NTM: variants seen among roughly 807,000 people sequenced by gnomAD.
NTM encodes IgLON family member 2.
In NTM, 13 loss-of-function variants were observed where a neutral mutation model predicts 42.1. The observed-to-expected ratio is 0.31, with a 90% CI of 0.20 to 0.49. The LOEUF (loss-of-function observed/expected upper bound fraction) is 0.49, where lower values mean the gene tolerates loss of function less well. Among genes scored for constraint, NTM ranks in the 20% least tolerant of loss-of-function variants. The pLI, the probability that NTM is intolerant of heterozygous loss-of-function variation, is 0.99. For synonymous variants in NTM, 187 were observed against 179.2 expected (o/e 1.04, Z -0.35); for missense variants, 373 against 452.8 (o/e 0.82, Z 1.60).
intron 1 of NTM, among the ~76,000 whole-genome samples, chr11:131,486,690 T>C (rs1241421077): frequency 6.6e-6 from 1 of 152,212 alleles, no homozygotes; most frequent in East Asian, 1.9e-4. Context: ...ATGGTCAAGG[T>C]GAACATCTCC....
chr11:132,126,815 T>A (rs1414609545), intron 2 of NTM, among the ~76,000 whole-genome samples: 1 of 152,198 alleles, frequency 6.6e-6, no homozygotes, highest in Non-Finnish European at 1.5e-5. Context: ...CCTGTTTCTC[T>A]GCCAGCTGCC....
chr11:132,153,746 A>C (rs1301762915), intron 3 of NTM, among the ~76,000 whole-genome samples: 1 of 152,190 alleles, frequency 6.6e-6, no homozygotes, highest in African/African-American at 2.4e-5. Context: ...TCCATTTAAC[A>C]GTATTTTGAA....
chr11:132,063,855 AAGCC>A (rs1186557363), intron 2 of NTM, among the ~76,000 whole-genome samples: 1 of 152,222 alleles, frequency 6.6e-6, no homozygotes, highest in Admixed American at 6.5e-5. Flanking sequence ...CACTTGTGAT[AAGCC>A]AGCTCCTCTC....
chr11:132,152,587 G>A (rs1459730533), intron 3 of NTM, among the ~76,000 whole-genome samples: 6 of 152,190 alleles, frequency 3.9e-5, no homozygotes, highest in Admixed American at 3.3e-4. Flanking sequence ...AAAGCACCCC[G>A]GAGAATGACA....
At chr11:132,103,657 T>G (rs2061906941) in intron 2 of NTM, among the ~76,000 whole-genome samples, 2 of 152,212 alleles carry the variant, frequency 1.3e-5, no homozygotes. Context: ...AGCTTCTGCA[T>G]GTAGATACTT....
chr11:132,138,610 CTATCT>C (rs201988678), intron 2 of NTM, among the ~76,000 whole-genome samples: 13,794 of 80,548 alleles, frequency 0.17, 787 homozygotes, highest in Middle Eastern at 0.25. Context: ...ATCTATCTAT[CTATCT>C]ATCTATTCTA....
intron 1 of NTM, among the ~76,000 whole-genome samples, chr11:131,667,695 C>T (rs979785613): frequency 7.2e-5 from 11 of 152,186 alleles, no homozygotes; most frequent in Admixed American, 1.3e-4. Flanking sequence ...AGGAGTGAAA[C>T]GTCCCTGAGC....
chr11:132,125,726 A>T (rs1016484398), intron 2 of NTM, among the ~76,000 whole-genome samples: 1 of 248 alleles, frequency 4.0e-3, no homozygotes, highest in Non-Finnish European at 6.4e-3. Flanking sequence ...GTGGTGTGTG[A>T]TGTGTGTGTG....
intron 2 of NTM, among the ~76,000 whole-genome samples, chr11:132,133,020 CA>C (rs1303815388): frequency 6.6e-6 from 1 of 152,192 alleles, no homozygotes; most frequent in African/African-American, 2.4e-5. Flanking sequence ...AATTTTGGGT[CA>C]AAGAATCAGG....
In NTM at chr11:132,214,040, C is replaced by T. The variant is rs992469301; in HGVS notation, c.526+1893C>T. 6.9e-4 allele frequency among the ~76,000 whole-genome samples: 105 copies of T among 152,104 alleles called. 21 individuals carry two copies. The highest frequency in any genetic ancestry group is 1.3e-3 in the Non-Finnish European group (86 of 68,002). ...TGAGCCACCGCGCCCGGCGGGCCAC[C>T]ATTCTTGACACTGTAACTGTGAACA... On this transcript the variant is annotated intron_variant, in intron 4 of 8. Transcript: ENST00000683400.
At chr11:131,457,700 A>G (rs1428253737) in intron 1 of NTM, among the ~76,000 whole-genome samples, 4 of 151,610 alleles carry the variant, frequency 2.6e-5, no homozygotes, top group African/African-American at 9.8e-5. Context: ...CATATGTGCA[A>G]TGCACTAAAT....
intron 1 of NTM, among the ~76,000 whole-genome samples, chr11:131,763,478 C>T (rs2084559182): frequency 6.6e-6 from 1 of 152,148 alleles, no homozygotes; most frequent in African/African-American, 2.4e-5. Context: ...ATTTAAAACA[C>T]AGAGATTAAA....
chr11:131,689,775 T>C (rs1401107742), intron 1 of NTM, among the ~76,000 whole-genome samples: 1 of 152,148 alleles, frequency 6.6e-6, no homozygotes, highest in Non-Finnish European at 1.5e-5. Context: ...GTCAAAGCTG[T>C]TCTCACCCTT....
At chr11:132,241,583 G>T (rs1190260596) in intron 4 of NTM, among the ~76,000 whole-genome samples, 4 of 152,144 alleles carry the variant, frequency 2.6e-5, no homozygotes, top group Non-Finnish European at 5.9e-5. Flanking sequence ...CACCCTTTTG[G>T]TAACTGGCTC....
At position 132,165,437 on chromosome 11, in the gene NTM, T is replaced by C. The variant is rs555615127; in HGVS notation, c.400+18923T>C. On this transcript the variant is annotated intron_variant, in intron 3 of 8. Transcript: ENST00000683400. The stretch of plus-strand genomic sequence containing the variant: ...CCATTTATCCCATTTACCTAACTTA[T>C]TGCCTTCCTACAGCCTGTGTCCTCC... Among the ~76,000 whole-genome samples the C allele has an allele frequency of 4.1e-4, 62 of 152,314 alleles. 1 individual carries two copies. The South Asian group carries it at 0.012, about 29-fold the overall frequency.
In NTM at chr11:132,115,539, C is replaced by T. The variant is rs1386085197; in HGVS notation, c.168-30743C>T. 5.3e-5 allele frequency among the ~76,000 whole-genome samples: 8 copies of T among 152,278 alleles called. No homozygotes were observed. In the East Asian group the frequency reaches 1.4e-3, roughly 26 times the overall value. ...GTAGACATAGGTAACATTTTCCTGT[C>T]AGGAACACACAAACTTCCAGAGGAA... On this transcript the variant is annotated intron_variant, in intron 2 of 8. Transcript: ENST00000683400.
rs181899514 is a variant in NTM, at chr11:132,234,251, G to A, written c.526+22104G>A. On this transcript the variant is annotated intron_variant, in intron 4 of 8. Transcript: ENST00000683400. ...TGGCACTGGTTGCTTTGTTTCTGTA[G>A]CATACAGCATTCTGTGGCAGCATCT... is the stretch of plus-strand genomic sequence containing the variant. Among the ~76,000 whole-genome samples the A allele has an allele frequency of 2.0e-3, 299 of 152,262 alleles. 3 individuals are homozygous for A. The highest frequency in any genetic ancestry group is 6.8e-3 in the African/African-American group (282 of 41,546).
chr11:131,875,938 G>A (rs937146895), intron 1 of NTM, among the ~76,000 whole-genome samples: 3 of 152,236 alleles, frequency 2.0e-5, no homozygotes, highest in African/African-American at 7.2e-5. Context: ...AGGCAGCGAG[G>A]AGCCTCCCAG....
At chr11:131,747,707 A>G (rs2081990322) in intron 1 of NTM, among the ~76,000 whole-genome samples, 1 of 152,150 alleles carries the variant, frequency 6.6e-6, no homozygotes, top group Admixed American at 6.5e-5. Context: ...GACTTCTTAA[A>G]TGTCTGCCAC....
Sources: gnomAD v4.1 joint callset for allele counts (sites outside exome capture counted in the v4.1 genomes callset) on GRCh38, gnomAD v4.1.1 for gene constraint, MANE v1.5 for transcripts, NCBI Gene and HGNC (gene_info 2026-07-23, HGNC 2026-07-21) for gene names.